The following CNTN3 variants were observed in gnomAD, a reference collection of about 807,000 sequenced individuals.
CNTN3 encodes contactin-3.
Under a neutral mutation model 119.1 loss-of-function variants are expected in CNTN3, and 60 were observed. The observed-to-expected ratio is 0.50, with a 90% confidence interval of 0.41 to 0.62. The LOEUF (loss-of-function observed/expected upper bound fraction) is 0.62. Ranked by LOEUF, CNTN3 falls within the 20% of genes least tolerant of loss-of-function variation. The pLI is 0.00. For missense variants in CNTN3, 1,101 were observed against 1,242.4 expected (o/e 0.89, Z 1.71); for synonymous variants, 450 against 438.7 (o/e 1.03, Z -0.32).
intron 3 of CNTN3, among the ~76,000 whole-genome samples, chr3:74,499,434 T>C (rs961949002): frequency 1.3e-5 from 2 of 151,990 alleles, no homozygotes; most frequent in Non-Finnish European, 2.9e-5. Context: ...TGAAAAGACA[T>C]TATTTACTTT....
At chr3:74,395,541 C>T (rs1274706377) in intron 5 of CNTN3, among the ~76,000 whole-genome samples, 1 of 152,110 alleles carries the variant, frequency 6.6e-6, no homozygotes, top group African/African-American at 2.4e-5. Context: ...AAATACAACC[C>T]AGGCCATGCT....
At chr3:74,328,473 G>C (rs988993714) in intron 13 of CNTN3, among the ~76,000 whole-genome samples, 7 of 152,092 alleles carry the variant, frequency 4.6e-5, no homozygotes, top group South Asian at 2.1e-4. Context: ...TTCATTTATA[G>C]CCTTGGTTTG....
chr3:74,597,207 T>A (rs1455215766), intron 1 of CNTN3, among the ~76,000 whole-genome samples: 1 of 152,102 alleles, frequency 6.6e-6, no homozygotes, highest in East Asian at 1.9e-4. Flanking sequence ...ACTTTAGTTC[T>A]AAAACAGAAA....
intron 1 of CNTN3, among the ~76,000 whole-genome samples, chr3:74,533,555 C>G (rs1446299688): frequency 6.6e-6 from 1 of 151,894 alleles, no homozygotes; most frequent in Non-Finnish European, 1.5e-5. Context: ...TACCACCACC[C>G]CCATGTTACA....
intron 12 of CNTN3, among the ~76,000 whole-genome samples, chr3:74,335,565 A>C (rs951626648): frequency 1.3e-5 from 2 of 152,122 alleles, no homozygotes; most frequent in African/African-American, 4.8e-5. Context: ...CAAAGTCTTC[A>C]AAAGAGTCAT....
At chr3:74,530,931 C>T (rs1056383520) in intron 1 of CNTN3, among the ~76,000 whole-genome samples, 1 of 151,904 alleles carries the variant, frequency 6.6e-6, no homozygotes, top group South Asian at 2.1e-4. Context: ...GCCAGTTCTG[C>T]ACTTCTAGCA....
At chr3:74,400,911 G>A (rs138982042) in intron 5 of CNTN3, among the ~76,000 whole-genome samples, 7 of 152,258 alleles carry the variant, frequency 4.6e-5, no homozygotes, top group African/African-American at 1.7e-4. Flanking sequence ...TTATGTTTGC[G>A]TGAGTTTGTG....
intron 5 of CNTN3, among the ~76,000 whole-genome samples, chr3:74,422,953 T>C (rs1320138292): frequency 6.6e-6 from 1 of 152,098 alleles, no homozygotes; most frequent in Non-Finnish European, 1.5e-5. Context: ...AAAGGCTGAT[T>C]CTAAAAGAAT....
At position 74,592,757 on chromosome 3, in the gene CNTN3, T is replaced by C. The variant is rs150657978; in HGVS notation, c.-81+21634A>G. 2.4e-3 allele frequency among the ~76,000 whole-genome samples: 364 copies of C among 152,144 alleles called. 1 individual carries two copies. Among genetic ancestry groups the C allele is most frequent in the Non-Finnish European group, 3.9e-3 (264 of 67,930 alleles). On this transcript the variant is annotated intron_variant, in intron 1 of 22. Coordinates refer to ENST00000263665, the MANE Select transcript of CNTN3 (RefSeq NM_020872.3). ...TTAGAATAACCTCTCTTGTTCTTAATAAACTGATTTTTTAAAAACCTTAAA... is the reference window on the plus strand; with the variant it reads ...TTAGAATAACCTCTCTTGTTCTTAACAAACTGATTTTTTAAAAACCTTAAA...
At chr3:74,583,996 T>G (rs2106673119) in intron 1 of CNTN3, among the ~76,000 whole-genome samples, 1 of 152,290 alleles carries the variant, frequency 6.6e-6, no homozygotes, top group Non-Finnish European at 1.5e-5. Flanking sequence ...GAGTCTCAGC[T>G]TTTTCATTTG....
chr3:74,294,091 G>T (rs975722055), intron 19 of CNTN3, among the ~76,000 whole-genome samples: 7 of 152,120 alleles, frequency 4.6e-5, no homozygotes, highest in Non-Finnish European at 7.4e-5. Context: ...AGGGGTATGT[G>T]GCCCTGTGAT....
chr3:74,364,235 T>A (rs546242699), intron 10 of CNTN3, among the ~76,000 whole-genome samples: 2 of 152,148 alleles, frequency 1.3e-5, no homozygotes, highest in South Asian at 4.1e-4. Flanking sequence ...AATATTTGAT[T>A]CCTACTGTCG....
At chr3:74,527,090 ATG>A (rs1426920214) in intron 1 of CNTN3, among the ~76,000 whole-genome samples, 1 of 151,860 alleles carries the variant, frequency 6.6e-6, no homozygotes, top group East Asian at 1.9e-4. Context: ...CTATATAGAT[ATG>A]TGTGTTCATG....
At chr3:74,317,400 T>C (rs1202067125) in intron 13 of CNTN3, among the ~76,000 whole-genome samples, 1 of 152,204 alleles carries the variant, frequency 6.6e-6, no homozygotes, top group Admixed American at 6.5e-5. Flanking sequence ...CTGGTTATTT[T>C]GCTCGTTAGT....
chr3:74,415,775 C>T (rs983372728), intron 5 of CNTN3, among the ~76,000 whole-genome samples: 3 of 152,158 alleles, frequency 2.0e-5, no homozygotes, highest in East Asian at 1.9e-4. Flanking sequence ...TTGTTTCTGT[C>T]GGGCTACATC....
chr3:74,333,887 T>C (rs1051723774), intron 13 of CNTN3, among the ~76,000 whole-genome samples: 1 of 152,160 alleles, frequency 6.6e-6, no homozygotes, highest in Admixed American at 6.5e-5. Context: ...AAGTCCATAA[T>C]TGACAAAACC....
At chr3:74,599,563 TACGCAATTCACAA>T (rs1367110115) in intron 1 of CNTN3, among the ~76,000 whole-genome samples, 1 of 152,064 alleles carries the variant, frequency 6.6e-6, no homozygotes, top group Admixed American at 6.6e-5. Context: ...ATCCCTCACA[TACGCAATTCACAA>T]ATGGGTTTGC....
In CNTN3 at chr3:74,362,320, TG is replaced by T. The variant is rs1704091107; in HGVS notation, c.1214-281del. On this transcript the variant is annotated intron_variant, in intron 10 of 22. Transcript: ENST00000263665. ...GTTTATTAAATGAAAGGAAAACATT[TG>T]GTATAGAACGTTTTTAAATGTTAGC... Among the ~76,000 whole-genome samples the T allele has an allele frequency of 2.0e-5, 3 of 152,198 alleles. No individual in the cohort carries two copies. The South Asian group carries it at 6.2e-4, about 32-fold the overall frequency.
intron 20 of CNTN3, among the ~76,000 whole-genome samples, chr3:74,283,567 T>G (rs1407610110): frequency 6.6e-6 from 1 of 152,182 alleles, no homozygotes; most frequent in Non-Finnish European, 1.5e-5. Flanking sequence ...ACTAAGTTCT[T>G]CACTGATTCC....
Sources: allele counts gnomAD v4.1 joint callset (sites outside exome capture counted in the v4.1 genomes callset), GRCh38; gene constraint gnomAD v4.1.1; transcripts MANE v1.5; gene names NCBI Gene and HGNC (gene_info 2026-07-23, HGNC 2026-07-21).